ALG6: variants seen among roughly 807,000 people sequenced by gnomAD.
The protein encoded by ALG6 is dolichyl pyrophosphate Man9GlcNAc2 alpha-1,3-glucosyltransferase.
Under a neutral mutation model 66.6 loss-of-function variants are expected in ALG6, and 46 were observed. That is an observed-to-expected ratio of 0.69 (90% CI 0.55 to 0.88). The LOEUF (loss-of-function observed/expected upper bound fraction) is 0.88, where lower values mean the gene tolerates loss of function less well. Among genes scored for constraint, ALG6 ranks in the 40% least tolerant of loss-of-function variants. The pLI is 0.00. For missense variants in ALG6, 505 were observed against 586.8 expected, an observed-to-expected ratio of 0.86 and a Z score of 1.44; for synonymous variants, 185 against 203.7, an observed-to-expected ratio of 0.91 and a Z score of 0.78.
rs1160526296 is a variant in ALG6 at position 63,403,094 on chromosome 1, CAAAAAAAAA to C, written c.257+769_257+777del. Among the ~76,000 whole-genome samples, 3 of 65,322 alleles carry C rather than the reference CAAAAAAAAA, an allele frequency of 4.6e-5. No homozygotes were observed. The East Asian group carries it at 1.5e-3, about 32-fold the overall frequency. The allele number at this position is 65,322 out of a possible 152,430, so 42.9% of individuals were successfully genotyped here. On this transcript the variant is annotated intron_variant, in intron 4 of 14. Transcript: ENST00000263440. ...TGGGCAACAGAGTGAGACTCCATCT[CAAAAAAAAA>C]AAAAAAAAAAAAAAAAAGAACTATC...
In ALG6 at chr1:63,369,811, A is replaced by G. The variant is rs1033980672; in HGVS notation, c.-207-960A>G. Among the ~76,000 whole-genome samples, 18 of 151,420 alleles carry G rather than the reference A, an allele frequency of 1.2e-4. No homozygotes were observed. In the Admixed American group the frequency reaches 1.2e-3, roughly 10 times the overall value. ...GAAGAGGAAAATGTCAATTTTGTCG[A>G]TTTGCTTTTTATTTTTTTTTGTTTG... On this transcript the variant is annotated intron_variant, in intron 1 of 14. Transcript: ENST00000263440.
chr1:63,382,169 A>T (rs1361986335), intron 2 of ALG6, among the ~76,000 whole-genome samples: 2 of 150,374 alleles, frequency 1.3e-5, no homozygotes, highest in Non-Finnish European at 3.0e-5. Flanking sequence ...TTTTTTAAAA[A>T]TTTTATTTAT....
chr1:63,419,243 C>A, intron 11 of ALG6, 127 bp from the exon 12 acceptor site: 1 of 788,908 alleles, frequency 1.3e-6, no homozygotes, highest in Non-Finnish European at 2.1e-6. Flanking sequence ...TTGTATTTTA[C>A]TTCTAAATAG....
chr1:63,411,417 C>T, intron 8 of ALG6, 86 bp downstream of exon 8: 2 of 1,282,968 alleles, frequency 1.6e-6, no homozygotes, highest in Non-Finnish European at 2.2e-6. Flanking sequence ...TGATCTTTCA[C>T]TTTGCCTTTT....
At chr1:63,394,604 G>A (rs764596775) in intron 2 of ALG6, among the ~76,000 whole-genome samples, 35 of 152,032 alleles carry the variant, frequency 2.3e-4, no homozygotes, top group Non-Finnish European at 4.7e-4. Context: ...TCTTGACCTC[G>A]TGATCCACCC....
chr1:63,379,924 A>G (rs973613060), intron 2 of ALG6, among the ~76,000 whole-genome samples: 2 of 151,726 alleles, frequency 1.3e-5, no homozygotes, highest in Non-Finnish European at 2.9e-5. Context: ...AAGTTATTCT[A>G]GTGTTTACAG....
At chr1:63,388,623 G>A (rs1392074891) in intron 2 of ALG6, among the ~76,000 whole-genome samples, 2 of 152,092 alleles carry the variant, frequency 1.3e-5, no homozygotes, top group Non-Finnish European at 2.9e-5. Context: ...AAACCTTAAT[G>A]ACAGTGTTAA....
intron 2 of ALG6, 34 bp from the exon 3 acceptor site, chr1:63,396,479 A>G (rs776139797): frequency 1.3e-6 from 2 of 1,547,110 alleles, no homozygotes; most frequent in Admixed American, 1.7e-5. Context: ...GCTAAAGTAC[A>G]TTGTTGTTTT....
chr1:63,420,499 C>T (rs1644567816), intron 12 of ALG6, among the ~76,000 whole-genome samples: 1 of 152,112 alleles, frequency 6.6e-6, no homozygotes, highest in Non-Finnish European at 1.5e-5. Flanking sequence ...TACAAATGCA[C>T]CTAGATTATT....
At chr1:63,373,278 A>G (rs1490295701) in intron 2 of ALG6, among the ~76,000 whole-genome samples, 2 of 149,276 alleles carry the variant, frequency 1.3e-5, no homozygotes, top group South Asian at 4.6e-4. Context: ...AAGTGCTGGG[A>G]TTACAGGTGT....
chr1:63,400,787 A>G (rs1056814039), intron 3 of ALG6, among the ~76,000 whole-genome samples: 8 of 152,198 alleles, frequency 5.3e-5, no homozygotes, highest in African/African-American at 1.4e-4. Context: ...CTAGTAGCCA[A>G]TTGGAACTAC....
chr1:63,368,983 T>C (rs2100375640), intron 1 of ALG6, among the ~76,000 whole-genome samples: 1 of 152,310 alleles, frequency 6.6e-6, no homozygotes, highest in South Asian at 2.1e-4. Flanking sequence ...CCATCCCTTC[T>C]TTCCTCCCCA....
At chr1:63,418,710 G>A (rs1319299754) in intron 11 of ALG6, among the ~76,000 whole-genome samples, 2 of 152,156 alleles carry the variant, frequency 1.3e-5, no homozygotes, top group East Asian at 3.9e-4. Context: ...ATGGAGGGTG[G>A]CTTAGACCAC....
chr1:63,438,243 T>C lies in ALG6; in HGVS notation c.*1223T>C, dbSNP rs1000079468. 6 of 152,016 alleles carry C rather than the reference T, an allele frequency of 3.9e-5. No individual in the cohort carries two copies. Among genetic ancestry groups the C allele is most frequent in the African/African-American group, 1.5e-4 (6 of 41,368 alleles). The allele number at this position is 152,016 out of a possible 1,614,324, so 9.4% of individuals were successfully genotyped here. ...TAGACAAAGCAAAAATCTAGAAAGG[T>C]TTCTTTCTCAAAGCAAATGTGCATA... is the stretch of plus-strand genomic sequence containing the variant. On this transcript the variant is annotated 3_prime_UTR_variant, in exon 15 of 15. Coordinates refer to ENST00000263440, the MANE Select transcript of ALG6 (RefSeq NM_013339.4).
intron 9 of ALG6, 84 bp downstream of exon 9, chr1:63,412,145 T>C: frequency 6.3e-7 from 1 of 1,578,950 alleles, no homozygotes; most frequent in Non-Finnish European, 8.7e-7. Flanking sequence ...GTACAAGGAA[T>C]AGGAACTTCA....
chr1:63,437,095 T>C lies in ALG6; in HGVS notation c.*75T>C, dbSNP rs1371568950. 7.5e-7 allele frequency: 1 copy of C among 1,329,210 alleles called. No homozygotes were observed. The highest frequency in any genetic ancestry group is 1.9e-5 in the Admixed American group (1 of 52,464). The allele number at this position is 1,329,210 out of a possible 1,614,324, so 82.3% of individuals were successfully genotyped here. On this transcript the variant is annotated 3_prime_UTR_variant, in exon 15 of 15. Coordinates refer to ENST00000263440, the MANE Select transcript of ALG6 (RefSeq NM_013339.4). ...GTGCTGAAAGGTTTTGTGAACTTTT[T>C]GCTATGTATAAATGAAATTACCATT...
At chr1:63,403,711 T>C (rs1409630032) in intron 4 of ALG6, among the ~76,000 whole-genome samples, 1 of 152,132 alleles carries the variant, frequency 6.6e-6, no homozygotes, top group African/African-American at 2.4e-5. Flanking sequence ...GCATAGCCTA[T>C]TGTTCCTAGG....
rs1285374090 is a variant in ALG6, at chr1:63,422,304, A to T, written c.1058+2864A>T. Among the ~76,000 whole-genome samples, 4 of 77,800 alleles carry T rather than the reference A, an allele frequency of 5.1e-5. 1 individual carries two copies. Among genetic ancestry groups the T allele is most frequent in the Non-Finnish European group, 8.9e-5 (4 of 45,192 alleles). 51.0% of individuals were successfully genotyped at this position (77,800 alleles called of 152,430 possible). On this transcript the variant is annotated intron_variant, in intron 12 of 14. Transcript: ENST00000263440. ...AAATATATATATTTATATAGATATA[A>T]ATATATATCTATATATGAATATATA... is the stretch of plus-strand genomic sequence containing the variant.
chr1:63,382,647 TTTTGTTTGTTTTTTTTTG>T (rs1228867206), intron 2 of ALG6, among the ~76,000 whole-genome samples: 5 of 22,140 alleles, frequency 2.3e-4, no homozygotes, highest in African/African-American at 1.6e-3. Context: ...CTAAGTTTTT[TTTTGTTTGTTTTTTTTTG>T]TTTTTTTTTT....
Sources: allele counts gnomAD v4.1 joint callset (sites outside exome capture counted in the v4.1 genomes callset), GRCh38; gene constraint gnomAD v4.1.1; transcripts MANE v1.5; gene names NCBI Gene and HGNC (gene_info 2026-07-23, HGNC 2026-07-21).